The following SIPA1L2 variants were observed in gnomAD, a reference collection of about 807,000 sequenced individuals.
SIPA1L2 encodes signal induced proliferation associated 1 like 2, also known as signal-induced proliferation-associated 1-like protein 2.
In SIPA1L2, 56 loss-of-function variants were observed where a neutral mutation model predicts 163.9. The ratio of observed to expected loss-of-function variants is 0.34; its 90% CI spans 0.28 to 0.43. The LOEUF is 0.43. Ranked by LOEUF, SIPA1L2 falls within the 20% of genes least tolerant of loss-of-function variation. SIPA1L2 has a pLI of 1.00. For synonymous variants in SIPA1L2, 877 were observed against 865.7 expected (o/e 1.01, Z -0.23); for missense variants, 1,974 against 2,193.5 (o/e 0.90, Z 2.00).
At chr1:232,510,792 C>G (rs1666945570) in intron 3 of SIPA1L2, among the ~76,000 whole-genome samples, 1 of 152,108 alleles carries the variant, frequency 6.6e-6, no homozygotes, top group Admixed American at 6.5e-5. Context: ...CACAAAACAA[C>G]AGTTTTTCAT....
intron 2 of SIPA1L2, among the ~76,000 whole-genome samples, chr1:232,521,025 T>C (rs1478620921): frequency 2.0e-5 from 3 of 152,204 alleles, no homozygotes; most frequent in Non-Finnish European, 2.9e-5. Flanking sequence ...GATATACAAG[T>C]TCAATAATAT....
At chr1:232,587,973 A>G (rs924264651) in intron 1 of SIPA1L2, among the ~76,000 whole-genome samples, 4 of 152,170 alleles carry the variant, frequency 2.6e-5, no homozygotes, top group African/African-American at 7.2e-5. Flanking sequence ...GCCATGTGGT[A>G]CTGTGGGTCC....
chr1:232,521,614 C>G (rs887138446), intron 2 of SIPA1L2, among the ~76,000 whole-genome samples: 1 of 152,174 alleles, frequency 6.6e-6, no homozygotes, highest in African/African-American at 2.4e-5. Context: ...ACAATCATCA[C>G]TAACCTATAT....
intron 1 of SIPA1L2, among the ~76,000 whole-genome samples, chr1:232,602,436 A>G (rs1490035066): frequency 6.6e-6 from 1 of 152,184 alleles, no homozygotes; most frequent in Non-Finnish European, 1.5e-5. Flanking sequence ...GGTTCAAGCT[A>G]TTCTCTGCCT....
intron 3 of SIPA1L2, among the ~76,000 whole-genome samples, chr1:232,502,664 AAC>A (rs1347716796): frequency 6.6e-6 from 1 of 152,156 alleles, no homozygotes; most frequent in African/African-American, 2.4e-5. Flanking sequence ...TCTTATTGCG[AAC>A]ACAGAGATGA....
intron 10 of SIPA1L2, among the ~76,000 whole-genome samples, chr1:232,452,253 C>A (rs566831220): frequency 2.0e-5 from 3 of 152,028 alleles, no homozygotes; most frequent in Admixed American, 6.6e-5. Context: ...AGTTTCCTAC[C>A]AGAAGACTTC....
intron 8 of SIPA1L2, among the ~76,000 whole-genome samples, chr1:232,470,143 T>C (rs1327489437): frequency 6.6e-6 from 1 of 152,124 alleles, no homozygotes; most frequent in Admixed American, 6.5e-5. Flanking sequence ...ACTCACCAGG[T>C]TTGTACCAAT....
chr1:232,622,464 T>A (rs1662864604), intron 1 of SIPA1L2, among the ~76,000 whole-genome samples: 1 of 152,202 alleles, frequency 6.6e-6, no homozygotes, highest in Non-Finnish European at 1.5e-5. Flanking sequence ...AATTCAGAAA[T>A]CCTTTCTGTT....
intron 1 of SIPA1L2, among the ~76,000 whole-genome samples, chr1:232,591,529 A>G (rs1660958809): frequency 6.6e-6 from 1 of 152,214 alleles, no homozygotes; most frequent in African/African-American, 2.4e-5. Flanking sequence ...AGGGAGGATG[A>G]GGTTTAACCT....
chr1:232,542,720 G>A (rs1573054364), intron 2 of SIPA1L2, among the ~76,000 whole-genome samples: 1 of 152,328 alleles, frequency 6.6e-6, no homozygotes, highest in African/African-American at 2.4e-5. Context: ...ACCTCAGGCT[G>A]GCTATGCACT....
At chr1:232,421,001 T>C (rs1661546007) in intron 18 of SIPA1L2, among the ~76,000 whole-genome samples, 1 of 152,220 alleles carries the variant, frequency 6.6e-6, no homozygotes, top group Non-Finnish European at 1.5e-5. Context: ...CATACTAATG[T>C]CAAACAAGAT....
intron 2 of SIPA1L2, among the ~76,000 whole-genome samples, chr1:232,527,134 C>T (rs1486002773): frequency 6.6e-6 from 1 of 152,132 alleles, no homozygotes; most frequent in East Asian, 1.9e-4. Flanking sequence ...ATTCTATGTC[C>T]CTCTGCTGCA....
rs1044409715 is a variant in SIPA1L2 at position 232,579,070 on chromosome 1, A to G, written c.-318-4848T>C. Among the ~76,000 whole-genome samples, 3 of 152,166 alleles carry G rather than the reference A, an allele frequency of 2.0e-5. No individual in the cohort carries two copies. The East Asian group carries it at 5.8e-4, about 29-fold the overall frequency. ...ACTGCGAGGAGGCTCCTCACACTTC[A>G]TCAGGAAGCTCTGTGTGAAAACCAG... On this transcript the variant is annotated intron_variant, in intron 1 of 22. Coordinates refer to ENST00000674635, the MANE Select transcript of SIPA1L2 (RefSeq NM_020808.5).
chr1:232,471,353 C>A lies in SIPA1L2; in HGVS notation c.2243+18G>T. Reference sequence around the variant, plus strand: ...AAATAAACCTGGGAGAATGATAGATCAGGGATGACTGACTCACCTATAACA... The same window carrying A: ...AAATAAACCTGGGAGAATGATAGATAAGGGATGACTGACTCACCTATAACA... On this transcript the variant is annotated intron_variant, in intron 8 of 22. Transcript: ENST00000674635. 1 of 1,602,570 alleles carries A rather than the reference C, an allele frequency of 6.2e-7. No individual in the cohort carries two copies. Among genetic ancestry groups the A allele is most frequent in the South Asian group, 1.1e-5 (1 of 88,428 alleles).
chr1:232,478,477 G>GA (rs1665156798), intron 7 of SIPA1L2, among the ~76,000 whole-genome samples: 1 of 152,010 alleles, frequency 6.6e-6, no homozygotes, highest in Non-Finnish European at 1.5e-5. Context: ...TCCTCTTTGG[G>GA]AAAAAATGCA....
intron 17 of SIPA1L2, among the ~76,000 whole-genome samples, chr1:232,427,955 G>C (rs1661999026): frequency 6.6e-6 from 1 of 152,150 alleles, no homozygotes; most frequent in Admixed American, 6.5e-5. Flanking sequence ...AAAGTCAGGT[G>C]GTGTGAATTT....
intron 1 of SIPA1L2, among the ~76,000 whole-genome samples, chr1:232,591,345 T>C (rs1357759007): frequency 2.0e-5 from 3 of 152,368 alleles, no homozygotes; most frequent in Non-Finnish European, 1.5e-5. Context: ...ATTTCCATAT[T>C]GGTCATGACG....
At chr1:232,488,318 GCCC>G in intron 5 of SIPA1L2, among the ~76,000 whole-genome samples, 1 of 152,218 alleles carries the variant, frequency 6.6e-6, no homozygotes, top group South Asian at 2.1e-4. Flanking sequence ...TAACAAAATT[GCCC>G]CATCCCTTCC....
intron 1 of SIPA1L2, among the ~76,000 whole-genome samples, chr1:232,599,563 T>C (rs1342336506): frequency 6.6e-6 from 1 of 152,210 alleles, no homozygotes; most frequent in Non-Finnish European, 1.5e-5. Context: ...GTGCCCACCC[T>C]GTGTGACTCC....
Sources: gnomAD v4.1 joint callset for allele counts (sites outside exome capture counted in the v4.1 genomes callset) on GRCh38, gnomAD v4.1.1 for gene constraint, MANE v1.5 for transcripts, NCBI Gene and HGNC (gene_info 2026-07-23, HGNC 2026-07-21) for gene names.